Variants in ZBTB17 observed in about 807,000 individuals in gnomAD.
The protein encoded by ZBTB17 is zinc finger and BTB domain-containing protein 17.
Under a neutral mutation model 85.1 loss-of-function variants are expected in ZBTB17, and 24 were observed. The observed-to-expected ratio is 0.28, with a 90% CI of 0.20 to 0.40. ZBTB17 has a LOEUF of 0.40. Ranked by LOEUF, ZBTB17 falls within the 10% of genes least tolerant of loss-of-function variation. The pLI is 1.00. For missense variants in ZBTB17, 743 were observed against 1,105.1 expected, an observed-to-expected ratio of 0.67 and a Z score of 4.65; for synonymous variants, 464 against 460.2, an observed-to-expected ratio of 1.01 and a Z score of -0.11.
intron 2 of ZBTB17, among the ~76,000 whole-genome samples, chr1:15,956,573 T>A (rs2072051206): frequency 6.6e-6 from 1 of 152,196 alleles, no homozygotes; most frequent in Non-Finnish European, 1.5e-5. Flanking sequence ...TGTACATGGA[T>A]GAGAAATTTC....
rs1198014650 is a variant in ZBTB17 at position 15,943,049 on chromosome 1, G to A, written c.1828+15C>T. ...GGCCTGGGAAGGAACAGGCATGGTAGGGGCCACAGCTCACCAGTGTGAATG... is the reference window on the plus strand; with the variant it reads ...GGCCTGGGAAGGAACAGGCATGGTAAGGGCCACAGCTCACCAGTGTGAATG... On this transcript the variant is annotated intron_variant, in intron 13 of 15. Transcript: ENST00000375743. 1 of 1,613,886 alleles carries A rather than the reference G, an allele frequency of 6.2e-7. No individual in the cohort carries two copies. Among genetic ancestry groups the A allele is most frequent in the Non-Finnish European group, 8.5e-7 (1 of 1,179,848 alleles).
intron 1 of ZBTB17, among the ~76,000 whole-genome samples, chr1:15,974,727 A>G (rs1050463441): frequency 2.6e-5 from 4 of 152,104 alleles, no homozygotes; most frequent in Admixed American, 6.5e-5. Context: ...GGCGCGCGCA[A>G]GCACGACCGG....
At chr1:15,944,138 C>G in intron 9 of ZBTB17, 162 bp downstream of exon 9, 1 of 1,176,930 alleles carries the variant, frequency 8.5e-7, no homozygotes. Context: ...ACCGGGAGCT[C>G]CCCCGCGGAA....
Position 15,960,074 on chromosome 1 carries a change from G to A in ZBTB17, c.-2-11577C>T, listed in dbSNP as rs537049394. On this transcript the variant is annotated intron_variant, in intron 2 of 15. Coordinates refer to ENST00000375743, the MANE Select transcript of ZBTB17 (RefSeq NM_003443.3). ...AACAGAGGAAGCCCCCTGACACTGC[G>A]ACGACACTGAAGTCCTTCTCCCAGG... 5.9e-5 allele frequency among the ~76,000 whole-genome samples: 9 copies of A among 152,318 alleles called. No individual in the cohort carries two copies. In the South Asian group the frequency reaches 1.7e-3, roughly 28 times the overall value.
At chr1:15,957,155 G>T (rs1435273845) in intron 2 of ZBTB17, among the ~76,000 whole-genome samples, 1 of 151,132 alleles carries the variant, frequency 6.6e-6, no homozygotes. Context: ...CTCCAGCCTG[G>T]GTGACAGTGA....
At chr1:15,958,213 C>CT (rs1326445315) in intron 2 of ZBTB17, among the ~76,000 whole-genome samples, 1 of 152,154 alleles carries the variant, frequency 6.6e-6, no homozygotes, top group Non-Finnish European at 1.5e-5. Flanking sequence ...TATTACTTCT[C>CT]TAACACAGCT....
chr1:15,947,991 G>A (rs764627691), intron 3 of ZBTB17, among the ~76,000 whole-genome samples: 2 of 152,146 alleles, frequency 1.3e-5, no homozygotes, highest in Non-Finnish European at 2.9e-5. Flanking sequence ...GGGGCCAGAG[G>A]GCATAGAGCC....
rs1353717463 is a variant in ZBTB17 at position 15,944,976 on chromosome 1, C to G, written c.888G>C (p.Thr296=). The change falls in exon 7 of 16, where the codon ACG becomes ACC. Residue 296 remains threonine, a synonymous_variant. Transcript: ENST00000375743. ...TGACGGAGCCGTAGGCCTTGGACTC[C>G]GTGCGGTCGCCGTAGGTGCCTGAGC... ...GLRSGTYGDR[T]ESKAYGSVIH... is the part of the protein sequence containing the mutation. The G allele has an allele frequency of 1.9e-6, 3 of 1,583,350 alleles. No individual in the cohort carries two copies. Among genetic ancestry groups the G allele is most frequent in the Non-Finnish European group, 2.6e-6 (3 of 1,167,942 alleles).
At chr1:15,969,440 C>T (rs1256552726) in intron 2 of ZBTB17, among the ~76,000 whole-genome samples, 2 of 152,222 alleles carry the variant, frequency 1.3e-5, no homozygotes, top group East Asian at 1.9e-4. Flanking sequence ...CCTACAAAAC[C>T]GGTCCCTGGT....
rs554225893 is a variant in ZBTB17 at position 15,946,353 on chromosome 1, G to A, written c.395-59C>T. Reference sequence around the variant, plus strand: ...CATCAAGTGCCCGCCATCTGGAGGTGTGAGGTGGCCCAGAACTTGCTAGGT... The same window carrying A: ...CATCAAGTGCCCGCCATCTGGAGGTATGAGGTGGCCCAGAACTTGCTAGGT... On this transcript the variant is annotated intron_variant, in intron 4 of 15. Transcript: ENST00000375743. 34 of 1,580,504 alleles carry A rather than the reference G, an allele frequency of 2.2e-5. No individual in the cohort carries two copies. In the South Asian group the frequency reaches 3.7e-4, roughly 17 times the overall value.
At chr1:15,947,953 T>C (rs893492856) in intron 3 of ZBTB17, among the ~76,000 whole-genome samples, 1 of 152,200 alleles carries the variant, frequency 6.6e-6, no homozygotes, top group African/African-American at 2.4e-5. Flanking sequence ...CTGGGGTAGA[T>C]GCTTCAGGAC....
At chr1:15,969,266 TC>T (rs1461775951) in intron 2 of ZBTB17, among the ~76,000 whole-genome samples, 5 of 152,196 alleles carry the variant, frequency 3.3e-5, no homozygotes, top group Non-Finnish European at 5.9e-5. Flanking sequence ...AGCTCAGGAC[TC>T]CCACTGACTC....
At chr1:15,946,751 G>A (rs111638515) in intron 4 of ZBTB17, among the ~76,000 whole-genome samples, 184 bp downstream of exon 4, 6 of 152,342 alleles carry the variant, frequency 3.9e-5, no homozygotes, top group African/African-American at 9.6e-5. Context: ...CACGGCTCCC[G>A]GGTGCTCTGT....
At chr1:15,944,259 C>G (rs890282146) in intron 9 of ZBTB17, 41 bp downstream of exon 9, 2 of 1,546,904 alleles carry the variant, frequency 1.3e-6, no homozygotes, top group Admixed American at 2.0e-5. Flanking sequence ...CTGCGGCCAC[C>G]GGCGGCTGCC....
chr1:15,942,090 G>T lies in ZBTB17; in HGVS notation c.2291C>A (p.Pro764His), dbSNP rs2071383608. Residue 764 changes from proline to histidine, a missense_variant, in exon 16 of 16, where the codon CCT (proline) becomes CAT (histidine). Physicochemically the swap from Pro to His is moderately conservative, Grantham distance 77. Around this residue, in one of 4 missense-constraint regions of ZBTB17, gnomAD observed 69 missense variants for 77.0 expected, o/e 0.90. Transcript: ENST00000375743. The part of the protein sequence containing the change: ...YQQYGPGGTW[P>H]AGQVLQAGEL... ...CCCAGCCTGCAGCACCTGCCCGGCA[G>T]GCCACGTGCCACCTGGCCCATACTG... 6.2e-7 allele frequency: 1 copy of T among 1,613,266 alleles called. No individual in the cohort carries two copies. The highest frequency in any genetic ancestry group is 1.7e-5 in the Admixed American group (1 of 60,026).
rs754006906 is a variant in ZBTB17, at chr1:15,944,763, G to A, written c.1004C>T (p.Ser335Leu). The change falls in exon 8 of 16, where the codon TCG becomes TTG. Residue 335 changes from serine to leucine, a missense_variant. Ser to Leu is a moderately radical substitution (Grantham distance 145, BLOSUM62 -2). This residue lies in a region of ZBTB17 where 321 missense variants were observed against 615.7 expected (regional missense o/e 0.52). Transcript: ENST00000375743. Reference sequence around the variant, plus strand: ...AAAGGCCTTGCTGCACTCCCGGCACGAGAAGGGCTTCTCCCCCGTGTGGAT... The same window carrying A: ...AAAGGCCTTGCTGCACTCCCGGCACAAGAAGGGCTTCTCCCCCGTGTGGAT... ...IRIHTGEKPF[S>L]CRECSKAFSD... 3.7e-6 allele frequency: 6 copies of A among 1,612,900 alleles called. No individual in the cohort carries two copies. The highest frequency in any genetic ancestry group is 1.7e-4 in the Middle Eastern group (1 of 6,060).
rs1491253779 is a variant in ZBTB17, at chr1:15,971,360, CAA to C, written c.-3+1677_-3+1678del. Among the ~76,000 whole-genome samples, 910 of 139,700 alleles carry C rather than the reference CAA, an allele frequency of 6.5e-3. 23 individuals are homozygous for C. Among genetic ancestry groups the C allele is most frequent in the African/African-American group, 0.022 (833 of 37,044 alleles). 91.6% of individuals were successfully genotyped at this position (139,700 alleles called of 152,430 possible). A position where few individuals can be genotyped will look rare whatever the true frequency, so the allele number is the denominator to read the frequency against. On this transcript the variant is annotated intron_variant, in intron 2 of 15. Coordinates refer to ENST00000375743, the MANE Select transcript of ZBTB17 (RefSeq NM_003443.3). ...ATATATATATATGTACATACACACA[CAA>C]TATATATATATACACACACTATATA...
intron 4 of ZBTB17, 32 bp downstream of exon 4, chr1:15,946,903 C>T (rs1004565065): frequency 6.3e-7 from 1 of 1,587,630 alleles, no homozygotes; most frequent in Non-Finnish European, 8.6e-7. Context: ...GGTCTCTGGC[C>T]ATCTGCTTGG....
intron 2 of ZBTB17, among the ~76,000 whole-genome samples, chr1:15,972,241 A>G (rs1264257005): frequency 6.6e-6 from 1 of 152,202 alleles, no homozygotes; most frequent in Non-Finnish European, 1.5e-5. Flanking sequence ...TGCCTGACAC[A>G]TGTTGGGCAC....
Sources: allele counts gnomAD v4.1 joint callset (sites outside exome capture counted in the v4.1 genomes callset), GRCh38; gene constraint gnomAD v4.1.1; regional missense constraint gnomAD v4.1.1; transcripts MANE v1.5; gene names NCBI Gene and HGNC (gene_info 2026-07-23, HGNC 2026-07-21).